PER1: variants seen among roughly 807,000 people sequenced by gnomAD.
The protein encoded by PER1 is period circadian regulator 1.
PER1 carries 87 observed loss-of-function variants against 125.9 expected under a neutral mutation model. The observed-to-expected ratio is 0.69, with a 90% confidence interval of 0.58 to 0.83. PER1 has a LOEUF of 0.83. Among genes scored for constraint, PER1 ranks in the 40% least tolerant of loss-of-function variants. PER1 has a pLI of 0.00. For synonymous variants in PER1, 801 were observed against 714.7 expected (o/e 1.12, Z -1.93); for missense variants, 1,775 against 1,722.8 (o/e 1.03, Z -0.54).
At chr17:8,147,135 G>A in intron 13 of PER1, 115 bp downstream of exon 13, 1 of 1,429,722 alleles carries the variant, frequency 7.0e-7, no homozygotes, top group Non-Finnish European at 9.6e-7. Flanking sequence ...AGAAGGAAAA[G>A]GCAGGAAGGA....
Position 8,143,851 on chromosome 17 carries a change from TG to T in PER1, c.2486del (p.Pro829GlnfsTer87), listed in dbSNP as rs1982256453. Reference sequence around the variant, plus strand: ...TGGATCGGCAGTGGTGTCGGCGGCTTGGGGGTGCGGGGCCGTGGTGGCAGCC... The same window carrying T: ...TGGATCGGCAGTGGTGTCGGCGGCTTGGGGTGCGGGGCCGTGGTGGCAGCC... ...ERGCHHGPAP[P>X]SRRHHCRSKA... On this transcript the variant is annotated frameshift_variant, in exon 19 of 23. Transcript: ENST00000317276. LOFTEE classifies it high-confidence loss of function. 1 of 1,609,414 alleles carries T rather than the reference TG, an allele frequency of 6.2e-7. No homozygotes were observed. The highest frequency in any genetic ancestry group is 8.5e-7 in the Non-Finnish European group (1 of 1,178,316).
intron 16 of PER1, 51 bp from the exon 17 acceptor site, chr17:8,146,188 A>C: frequency 6.5e-7 from 1 of 1,549,262 alleles, no homozygotes; most frequent in Non-Finnish European, 8.7e-7. Flanking sequence ...CTGGGAAGTC[A>C]GGAGAGAGGA....
rs767973112 is a variant in PER1 at position 8,141,353 on chromosome 17, A to T, written c.3601-13T>A. 19 of 1,591,474 alleles carry T rather than the reference A, an allele frequency of 1.2e-5. No homozygotes were observed. The highest frequency in any genetic ancestry group is 1.6e-5 in the Non-Finnish European group (19 of 1,167,136). On this transcript the variant is annotated splice_polypyrimidine_tract_variant and intron_variant, in intron 22 of 22. Transcript: ENST00000317276. ...AGTCCACACAGGCCTTGGTGAGAGAAATGGACATGAGAGAGTCAGACAGGG... is the reference window on the plus strand; with the variant it reads ...AGTCCACACAGGCCTTGGTGAGAGATATGGACATGAGAGAGTCAGACAGGG...
At chr17:8,144,202 G>C in intron 18 of PER1, 1 of 413,002 alleles carries the variant, frequency 2.4e-6, no homozygotes, top group Non-Finnish European at 4.3e-6. Flanking sequence ...GATGGCTCTG[G>C]TCCGCCAAAC....
intron 14 of PER1, 30 bp from the exon 15 acceptor site, chr17:8,146,795 C>A (rs375283610): frequency 3.7e-6 from 6 of 1,607,248 alleles, no homozygotes; most frequent in South Asian, 2.2e-5. Flanking sequence ...AGGAAAATAG[C>A]CTTCTCAAGC....
chr17:8,147,057 G>C lies in PER1; in HGVS notation c.1630-55C>G, dbSNP rs568023543. On this transcript the variant is annotated intron_variant, in intron 13 of 22. Coordinates refer to ENST00000317276, the MANE Select transcript of PER1 (RefSeq NM_002616.3). The stretch of plus-strand genomic sequence containing the variant: ...ACCAGGGGGTGTCGCCAGTGTCAGG[G>C]GCCAAGGGCACAATAAAACAAGAAG... 2.0e-6 allele frequency: 3 copies of C among 1,491,180 alleles called. No homozygotes were observed. In the East Asian group the frequency reaches 6.8e-5, roughly 34 times the overall value. The allele number at this position is 1,491,180 out of a possible 1,614,324, so 92.4% of individuals were successfully genotyped here.
Position 8,141,357 on chromosome 17 carries a change from G to T in PER1, c.3601-17C>A, listed in dbSNP as rs367819307. 1.8e-5 allele frequency: 28 copies of T among 1,584,582 alleles called. No homozygotes were observed. The highest frequency in any genetic ancestry group is 2.2e-5 in the Non-Finnish European group (26 of 1,163,338). On this transcript the variant is annotated splice_polypyrimidine_tract_variant and intron_variant, in intron 22 of 22. Coordinates refer to ENST00000317276, the MANE Select transcript of PER1 (RefSeq NM_002616.3). ...CACACAGGCCTTGGTGAGAGAAATG[G>T]ACATGAGAGAGTCAGACAGGGTTCT...
rs768716680 is a variant in PER1, at chr17:8,147,567, T to C, written c.1400A>G (p.Asn467Ser). The C allele has an allele frequency of 1.2e-6, 2 of 1,613,640 alleles. No homozygotes were observed. The highest frequency in any genetic ancestry group is 1.1e-5 in the South Asian group (1 of 91,070). Residue 467 changes from asparagine to serine, a missense_variant, in exon 12 of 23, where the codon AAT becomes AGT. Coordinates refer to ENST00000317276, the MANE Select transcript of PER1 (RefSeq NM_002616.3). ...GGCCGGGGGAGTGAACACGTCCTCA[T>C]TCAGGGGGGCCCTGTAGAGTGAAGA... ...GRHKVRTAPLNEDVFTPPAPS... is the reference protein window; with the variant it reads ...GRHKVRTAPLSEDVFTPPAPS...
In PER1 at chr17:8,148,234, C is replaced by T. The variant is rs149443067; in HGVS notation, c.1074G>A (p.Arg358=). 3.9e-4 allele frequency: 636 copies of T among 1,614,024 alleles called. 2 individuals carry two copies. Among genetic ancestry groups the T allele is most frequent in the Admixed American group, 2.0e-4 (12 of 59,988 alleles). Residue 358 remains arginine, a synonymous_variant, in exon 9 of 23, where the codon AGG becomes AGA. Transcript: ENST00000317276. ...TGGGTGTGTGCCGCGTAGTGAAAAT[C>T]CTCTTGTCAGGGGGTATCCGGGGAG... The part of the protein sequence containing the change: ...YEAPRIPPDK[R]IFTTRHTPSC...
Position 8,148,027 on chromosome 17 carries a change from G to C in PER1, c.1204C>G (p.Arg402Gly). 6.2e-7 allele frequency: 1 copy of C among 1,613,082 alleles called. No homozygotes were observed. The highest frequency in any genetic ancestry group is 8.5e-7 in the Non-Finnish European group (1 of 1,179,524). Residue 402 changes from arginine to glycine, a missense_variant, in exon 10 of 23, where the codon CGA (arginine) becomes GGA (glycine). By Grantham distance (125) the Arg-to-Gly change is moderately radical. Transcript: ENST00000317276. Reference protein sequence around the residue: ...PVLLFLHPEDRPLMLAIHKKI... With the variant: ...PVLLFLHPEDGPLMLAIHKKI... ...TTGTGGATAGCCAGCATGAGGGGTCGGTCCTCAGGATGCAGGAACAGGAGC... is the reference window on the plus strand; with the variant it reads ...TTGTGGATAGCCAGCATGAGGGGTCCGTCCTCAGGATGCAGGAACAGGAGC...
chr17:8,148,911 G>A lies in PER1; in HGVS notation c.906-125C>T, dbSNP rs535976988. 78 of 1,134,600 alleles carry A rather than the reference G, an allele frequency of 6.9e-5. 1 individual carries two copies. The highest frequency in any genetic ancestry group is 5.9e-4 in the South Asian group (43 of 72,412). The allele number at this position is 1,134,600 out of a possible 1,614,324, so 70.3% of individuals were successfully genotyped here. A position where few individuals can be genotyped will look rare whatever the true frequency, so the allele number is the denominator to read the frequency against. ...GGGCAGGAGGAGGCAGAGGTAGGCC[G>A]GGCACGGTGGCTCACGCCTTTAATC... is the stretch of plus-strand genomic sequence containing the variant. On this transcript the variant is annotated intron_variant, in intron 7 of 22. Transcript: ENST00000317276.
intron 7 of PER1, chr17:8,148,987 G>A (rs541215056): frequency 4.5e-5 from 29 of 641,814 alleles, no homozygotes; most frequent in South Asian, 3.1e-4. Flanking sequence ...TCAGGAGTTC[G>A]AGACCAGCCT....
intron 17 of PER1, 41 bp downstream of exon 17, chr17:8,145,917 C>G (rs375588562): frequency 6.5e-7 from 1 of 1,544,576 alleles, no homozygotes; most frequent in Non-Finnish European, 8.7e-7. Flanking sequence ...GCTGGGAGAC[C>G]GGTGGAGCCC....
Position 8,150,458 on chromosome 17 carries a change from C to T in PER1, c.249G>A (p.Leu83=). 1.9e-6 allele frequency: 3 copies of T among 1,613,168 alleles called. No homozygotes were observed. Among genetic ancestry groups the T allele is most frequent in the Non-Finnish European group, 2.5e-6 (3 of 1,179,496 alleles). Residue 83 remains leucine (L), a synonymous_variant, in exon 2 of 23, where the codon CTG becomes CTA. Transcript: ENST00000317276. The part of the protein sequence containing the change: ...SSSGNGKDSA[L]LETTESSKST... ...TCTTGCTGCTCTCAGTGGTCTCCAG[C>T]AGGGCTGAGTCCTTGCCGTTGCCTG...
Position 8,141,263 on chromosome 17 carries a change from C to T in PER1, c.3678G>A (p.Leu1226=), listed in dbSNP as rs1982062535. ...CACCCTCTTCCATGGGCTCCAGCCC[C>T]AGTCCATCCAGCTCTGAGAAGAGTG... The part of the protein sequence containing the change: ...DDPLFSELDG[L]GLEPMEEGGG... The change falls in exon 23 of 23, where the codon CTG becomes CTA. Residue 1226 remains leucine, a synonymous_variant. Coordinates refer to ENST00000317276, the MANE Select transcript of PER1 (RefSeq NM_002616.3). 1.9e-6 allele frequency: 3 copies of T among 1,614,078 alleles called. No homozygotes were observed. The highest frequency in any genetic ancestry group is 2.2e-5 in the South Asian group (2 of 91,090).
rs747599195 is a variant in PER1, at chr17:8,150,273, T to C, written c.320A>G (p.Tyr107Cys). ...SPSPPSSSIA[Y>C]SLLSASSEQD... ...CTCTGAGCTGGCACTCAGGAGGCTGTAGGCAATGGAACTGCTGGGTGGGGA... is the reference window on the plus strand; with the variant it reads ...CTCTGAGCTGGCACTCAGGAGGCTGCAGGCAATGGAACTGCTGGGTGGGGA... Residue 107 changes from tyrosine (Y) to cysteine (C), a missense_variant, in exon 3 of 23, where the codon TAC (tyrosine) becomes TGC (cysteine). Transcript: ENST00000317276. 2 of 1,567,442 alleles carry C rather than the reference T, an allele frequency of 1.3e-6. No individual in the cohort carries two copies. The highest frequency in any genetic ancestry group is 1.8e-5 in the Admixed American group (1 of 55,688).
At chr17:8,149,194 G>GCAAAAACAAAAA in intron 7 of PER1, 65 bp downstream of exon 7, 2 of 1,414,956 alleles carry the variant, frequency 1.4e-6, no homozygotes, top group South Asian at 2.3e-5. Flanking sequence ...CTTTCAAAAA[G>GCAAAAACAAAAA]CAAAAACAAA....
At chr17:8,149,916 G>A (rs372117652) in intron 4 of PER1, 40 bp from the exon 5 acceptor site, 23 of 1,613,912 alleles carry the variant, frequency 1.4e-5, no homozygotes, top group East Asian at 4.5e-5. Flanking sequence ...TAAGGAGGCT[G>A]CCTCAACACG....
At chr17:8,144,434 A>G (rs576080154) in intron 18 of PER1, 203 of 466,482 alleles carry the variant, frequency 4.4e-4, no homozygotes, top group African/African-American at 3.5e-3. Flanking sequence ...TCTCTTCATC[A>G]GTGACAACTG....
Sources: gnomAD v4.1 joint callset for allele counts on GRCh38, gnomAD v4.1.1 for gene constraint, MANE v1.5 for transcripts, NCBI Gene and HGNC (gene_info 2026-07-23, HGNC 2026-07-21) for gene names.